Variants in MICAL2 observed in about 807,000 individuals in gnomAD.
MICAL2 encodes the protein [F-actin]-monooxygenase MICAL2.
MICAL2 carries 77 observed loss-of-function variants against 127.3 expected under a neutral mutation model. That is an observed-to-expected ratio of 0.60 (90% CI 0.50 to 0.73). The LOEUF is 0.73. Among genes scored for constraint, MICAL2 ranks in the 30% least tolerant of loss-of-function variants. The pLI is 0.00. For missense variants in MICAL2, 1,351 were observed against 1,434.4 expected, an observed-to-expected ratio of 0.94 and a Z score of 0.94; for synonymous variants, 570 against 551.1, an observed-to-expected ratio of 1.03 and a Z score of -0.48.
intron 1 of MICAL2, among the ~76,000 whole-genome samples, chr11:12,278,849 C>T (rs1477602167): frequency 6.6e-6 from 1 of 152,108 alleles, no homozygotes; most frequent in African/African-American, 2.4e-5. Context: ...AGAAGGTGCA[C>T]GTTAGTGGAG....
intron 29 of MICAL2, among the ~76,000 whole-genome samples, chr11:12,318,050 G>A (rs1184963407): frequency 6.6e-6 from 1 of 152,178 alleles, no homozygotes; most frequent in Non-Finnish European, 1.5e-5. Flanking sequence ...TTGCAGTATT[G>A]TTATTTTAGA....
Position 12,226,349 on chromosome 11 carries a change from G to A in MICAL2, c.1867G>A (p.Gly623Ser), listed in dbSNP as rs1412519873. 2 of 1,613,906 alleles carry A rather than the reference G, an allele frequency of 1.2e-6. No homozygotes were observed. Among genetic ancestry groups the A allele is most frequent in the Admixed American group, 1.7e-5 (1 of 59,996 alleles). Reference sequence around the variant, plus strand: ...CTCCAAGTTCTACGAGCTCTTCCGGGGCACCCCACTGAGGCCCGTGGGTAA... The same window carrying A: ...CTCCAAGTTCTACGAGCTCTTCCGGAGCACCCCACTGAGGCCCGTGGGTAA... ...YLSKFYELFR[G>S]TPLRPVDSWR... The change falls in exon 14 of 28, where the codon GGC (glycine) becomes AGC (serine). Residue 623 changes from glycine (G) to serine (S), a missense_variant. Around this residue, in one of 2 missense-constraint regions of MICAL2, gnomAD observed 752 missense variants for 719.4 expected, o/e 1.05. Transcript: ENST00000683283.
intron 2 of MICAL2, among the ~76,000 whole-genome samples, chr11:12,152,173 C>T (rs1310172025): frequency 6.6e-5 from 10 of 150,732 alleles, no homozygotes; most frequent in African/African-American, 2.4e-4. Context: ...TGGGAGGCAC[C>T]TGTAATCCCA....
intron 2 of MICAL2, among the ~76,000 whole-genome samples, chr11:12,153,905 T>G (rs7123270): frequency 0.96 from 145,672 of 152,302 alleles, 69,824 homozygotes; most frequent in Middle Eastern, 0.98. Context: ...AAAGGTTTTG[T>G]TGGTAAGATG....
Position 12,215,534 on chromosome 11 carries a change from C to G in MICAL2, c.848-685C>G, listed in dbSNP as rs895822830. The stretch of plus-strand genomic sequence containing the variant: ...GATTCAGTGAGTCTGAAGAAGGGCC[C>G]TGATAATTTGCATTGCTAGTATGTC... On this transcript the variant is annotated intron_variant, in intron 7 of 27. Coordinates refer to ENST00000683283, the MANE Select transcript of MICAL2 (RefSeq NM_001282663.2). Among the ~76,000 whole-genome samples the G allele has an allele frequency of 2.6e-5, 4 of 152,322 alleles. No individual in the cohort carries two copies. In the East Asian group the frequency reaches 7.7e-4, roughly 29 times the overall value.
chr11:12,257,966 A>C (rs1862551770), intron 24 of MICAL2, among the ~76,000 whole-genome samples: 2 of 152,168 alleles, frequency 1.3e-5, no homozygotes, highest in Admixed American at 1.3e-4. Flanking sequence ...TATTCCACAA[A>C]GAAAGACTGA....
At chr11:12,145,226 G>A (rs564744954) in intron 2 of MICAL2, among the ~76,000 whole-genome samples, 169 of 152,308 alleles carry the variant, frequency 1.1e-3, no homozygotes, top group Middle Eastern at 6.8e-3. Context: ...AGAACAAAAT[G>A]GAAGTGAACA....
At chr11:12,130,560 C>T (rs1565002694) in intron 1 of MICAL2, among the ~76,000 whole-genome samples, 1 of 152,192 alleles carries the variant, frequency 6.6e-6, no homozygotes, top group Non-Finnish European at 1.5e-5. Context: ...CTGTTTAGTT[C>T]AGCCCAACAA....
chr11:12,111,173 T>A (rs781294668), intron 1 of MICAL2, among the ~76,000 whole-genome samples: 2 of 152,212 alleles, frequency 1.3e-5, no homozygotes, highest in South Asian at 2.1e-4. Context: ...GGCGCCCTTT[T>A]CCCCCTCCCC....
At chr11:12,238,466 A>G (rs1381402979) in intron 16 of MICAL2, among the ~76,000 whole-genome samples, 1 of 152,210 alleles carries the variant, frequency 6.6e-6, no homozygotes, top group African/African-American at 2.4e-5. Context: ...GAATGAGAAG[A>G]GCATTTCACC....
upstream of MICAL2, among the ~76,000 whole-genome samples, chr11:12,275,424 G>A (rs952564075): frequency 2.6e-5 from 4 of 152,108 alleles, no homozygotes; most frequent in Non-Finnish European, 5.9e-5. Context: ...AAGAAAAGAG[G>A]TTCAGAGACT....
chr11:12,221,056 T>C (rs1856762338), intron 9 of MICAL2, among the ~76,000 whole-genome samples: 2 of 152,256 alleles, frequency 1.3e-5, no homozygotes, highest in Admixed American at 6.5e-5. Flanking sequence ...ATGGAGCAGA[T>C]TAGTCAGCAC....
intron 30 of MICAL2, among the ~76,000 whole-genome samples, chr11:12,322,193 G>A (rs16911103): frequency 0.035 from 5,251 of 152,182 alleles, 180 homozygotes; most frequent in Admixed American, 0.1. Context: ...GATTTATTAC[G>A]TAGGTTAGTA....
chr11:12,317,194 C>A (rs1470603101), intron 29 of MICAL2, among the ~76,000 whole-genome samples: 1 of 152,214 alleles, frequency 6.6e-6, no homozygotes, highest in Non-Finnish European at 1.5e-5. Context: ...CCTGCCCAAA[C>A]TTTCATCTAT....
chr11:12,304,579 G>A (rs921082313), intron 29 of MICAL2, among the ~76,000 whole-genome samples: 8 of 151,974 alleles, frequency 5.3e-5, no homozygotes, highest in Non-Finnish European at 8.8e-5. Context: ...AGGTTGCAGT[G>A]AGCTGAGATC....
rs561290658 is a variant in MICAL2, at chr11:12,179,903, CCTT to C, written c.264+17487_264+17489del. ...CAGCAGCTGTTCCCATCCTTTACCTCCTTCTCTGTTTCTTCAGCCCCTTCCCTT... is the reference window on the plus strand; with the variant it reads ...CAGCAGCTGTTCCCATCCTTTACCTCCTCTGTTTCTTCAGCCCCTTCCCTT... On this transcript the variant is annotated intron_variant, in intron 3 of 27. Coordinates refer to ENST00000683283, the MANE Select transcript of MICAL2 (RefSeq NM_001282663.2). Among the ~76,000 whole-genome samples, 203 of 152,362 alleles carry C rather than the reference CCTT, an allele frequency of 1.3e-3. 2 individuals are homozygous for C. Among genetic ancestry groups the C allele is most frequent in the Admixed American group, 9.9e-3 (151 of 15,306 alleles).
In MICAL2 at chr11:12,354,722, A is replaced by T. The variant is rs1939105469; in HGVS notation, c.5616-62A>T. On this transcript the variant is annotated intron_variant, in intron 33 of 34. Coordinates refer to the MICAL2 transcript ENST00000646065. ...TGCTGTAGCTACTCTCAATGGGCTT[A>T]TTCATCAATGTTTCCTCACAAATCT... 6 of 1,427,190 alleles carry T rather than the reference A, an allele frequency of 4.2e-6. No homozygotes were observed. The Admixed American group carries it at 1.0e-4, about 25-fold the overall frequency. The allele number at this position is 1,427,190 out of a possible 1,614,324, so 88.4% of individuals were successfully genotyped here.
chr11:12,141,366 G>A (rs1041574986), intron 2 of MICAL2, among the ~76,000 whole-genome samples: 1 of 152,182 alleles, frequency 6.6e-6, no homozygotes, highest in African/African-American at 2.4e-5. Context: ...TGACTTCTGT[G>A]GTCCTGGTCC....
chr11:12,238,512 C>G (rs2706634), intron 16 of MICAL2, among the ~76,000 whole-genome samples: 150,892 of 152,326 alleles, frequency 0.99, 74,752 homozygotes, highest in Middle Eastern at 1. Context: ...AATCATGAGA[C>G]AACATCAGAC....
Sources: allele counts gnomAD v4.1 joint callset (sites outside exome capture counted in the v4.1 genomes callset), GRCh38; gene constraint gnomAD v4.1.1; regional missense constraint gnomAD v4.1.1; transcripts MANE v1.5; gene names NCBI Gene and HGNC (gene_info 2026-07-23, HGNC 2026-07-21).